KLHL25: variants seen among roughly 807,000 people sequenced by gnomAD.
KLHL25 encodes kelch like family member 25.
Under a neutral mutation model 30.0 loss-of-function variants are expected in KLHL25, and 41 were observed. That is an observed-to-expected ratio of 1.37 (90% CI 1.07 to 1.78). The LOEUF (loss-of-function observed/expected upper bound fraction) is 1.78. Ranked by LOEUF, KLHL25 falls within the 40% of genes most tolerant of loss-of-function variation. The probability of loss-of-function intolerance (pLI) is 0.00; values close to 1 mark genes in which losing one functional copy is unlikely to be tolerated. For missense variants in KLHL25, 971 were observed against 824.5 expected (o/e 1.18, Z -2.18); for synonymous variants, 399 against 355.3 (o/e 1.12, Z -1.38).
chr15:85,765,094 C>T (rs959734756), intron 2 of KLHL25, among the ~76,000 whole-genome samples: 1 of 152,196 alleles, frequency 6.6e-6, no homozygotes, highest in African/African-American at 2.4e-5. Flanking sequence ...AGGCTCAGAC[C>T]AGAGATGGTC....
At position 85,760,830 on chromosome 15, in the gene KLHL25, C is replaced by T. The variant is rs1326732489; in HGVS notation, c.*206G>A. On this transcript the variant is annotated 3_prime_UTR_variant, in exon 3 of 3. Coordinates refer to ENST00000337975, the MANE Select transcript of KLHL25 (RefSeq NM_022480.4). ...CAAACCACTGCAAAGCTGAAGAGGC[C>T]CCCAGGGGCACGGATGCAAGAGATG... 3 of 152,414 alleles carry T rather than the reference C, an allele frequency of 2.0e-5. No homozygotes were observed. The highest frequency in any genetic ancestry group is 4.4e-5 in the Non-Finnish European group (3 of 68,170). The allele number at this position is 152,414 out of a possible 1,614,324, so 9.4% of individuals were successfully genotyped here.
At chr15:85,786,288 T>C (rs1478645049) in intron 1 of KLHL25, among the ~76,000 whole-genome samples, 1 of 152,152 alleles carries the variant, frequency 6.6e-6, no homozygotes, top group Non-Finnish European at 1.5e-5. Context: ...GAAGCTTGGT[T>C]CTGAGTCATC....
In KLHL25 at chr15:85,768,836, G is replaced by T. The variant is rs754809991; in HGVS notation, c.975C>A (p.Asp325Glu). ...TGAACTCCTTCCGGGGGCTGGGCAG[G>T]TCGGCCTTGGGGATGATCTCCTTGG... ...HKAKEIIPKADLPSPRKEFSA... is the reference protein window; with the variant it reads ...HKAKEIIPKAELPSPRKEFSA... The change falls in exon 2 of 3, where the codon GAC becomes GAA. Residue 325 changes from aspartate (D) to glutamate (E), a missense_variant. Transcript: ENST00000337975. 13 of 1,613,392 alleles carry T rather than the reference G, an allele frequency of 8.1e-6. No homozygotes were observed. The highest frequency in any genetic ancestry group is 1.0e-5 in the Non-Finnish European group (12 of 1,180,044).
intron 1 of KLHL25, among the ~76,000 whole-genome samples, chr15:85,775,864 T>TAAAA (rs10535328): frequency 2.2e-5 from 2 of 89,048 alleles, no homozygotes; most frequent in Non-Finnish European, 4.1e-5. Context: ...ATGGCTCGTT[T>TAAAA]AAAAAAAAAA....
At chr15:85,792,566 A>C (rs2089824519) in intron 1 of KLHL25, among the ~76,000 whole-genome samples, 1 of 152,090 alleles carries the variant, frequency 6.6e-6, no homozygotes, top group East Asian at 1.9e-4. Context: ...CTGCATCCAG[A>C]AGCCATCCAG....
chr15:85,770,735 C>CA (rs1233804209), intron 1 of KLHL25, among the ~76,000 whole-genome samples: 1 of 152,196 alleles, frequency 6.6e-6, no homozygotes, highest in Non-Finnish European at 1.5e-5. Flanking sequence ...CCAGGTCCCC[C>CA]AGCTGACGCC....
intron 1 of KLHL25, among the ~76,000 whole-genome samples, chr15:85,777,068 G>C (rs957665203): frequency 6.6e-6 from 1 of 152,230 alleles, no homozygotes; most frequent in Admixed American, 6.5e-5. Context: ...CCTCACCCCA[G>C]CTTCCTTGCC....
At chr15:85,791,194 C>CAAAAA (rs67417642) in intron 1 of KLHL25, among the ~76,000 whole-genome samples, 19,443 of 116,990 alleles carry the variant, frequency 0.17, 2,237 homozygotes, top group South Asian at 0.28. Context: ...GACTCAGTCT[C>CAAAAA]AAAAAAAAAA....
In KLHL25 at chr15:85,789,185, G is replaced by A. The variant is rs755804222; in HGVS notation, c.-11+5581C>T. On this transcript the variant is annotated intron_variant, in intron 1 of 2. Transcript: ENST00000337975. This position sits in a 1 kb window ranked among gnomAD's most constrained non-coding sequence, Gnocchi z 4.1. ...CCCTGCATCCTACTCCTCACCACTC[G>A]GCTGATGGTGGAAGGCTCCTCCTGG... Among the ~76,000 whole-genome samples, 7 of 152,250 alleles carry A rather than the reference G, an allele frequency of 4.6e-5. No homozygotes were observed. Among genetic ancestry groups the A allele is most frequent in the Middle Eastern group, 3.4e-3 (1 of 294 alleles).
rs202069099 is a variant in KLHL25 at position 85,769,673 on chromosome 15, G to A, written c.138C>T (p.Thr46=). The change falls in exon 2 of 3, where the codon ACC becomes ACT. Residue 46 remains threonine, a synonymous_variant. Coordinates refer to ENST00000337975, the MANE Select transcript of KLHL25 (RefSeq NM_022480.4). ...LNTLRKHCMF[T]DVTLWAGDRA... ...GGTCGCCCGCCCAGAGTGTGACGTC[G>A]GTGAACATGCAGTGCTTGCGAAGCG... 17 of 1,613,882 alleles carry A rather than the reference G, an allele frequency of 1.1e-5. No individual in the cohort carries two copies. The highest frequency in any genetic ancestry group is 5.5e-5 in the South Asian group (5 of 91,086).
At chr15:85,783,604 A>G in intron 1 of KLHL25, among the ~76,000 whole-genome samples, 1 of 151,842 alleles carries the variant, frequency 6.6e-6, no homozygotes, top group Non-Finnish European at 1.5e-5. Context: ...AGACAGGACT[A>G]TCGCTTGAAC....
chr15:85,773,305 T>G (rs1041625803), intron 1 of KLHL25, among the ~76,000 whole-genome samples: 1 of 152,150 alleles, frequency 6.6e-6, no homozygotes, highest in Non-Finnish European at 1.5e-5. Context: ...AACTCATTCA[T>G]ATCAACTCCA....
intron 1 of KLHL25, chr15:85,771,201 G>GAAA (rs55642980): frequency 1.9e-4 from 22 of 118,000 alleles, no homozygotes; most frequent in Admixed American, 3.4e-4. Flanking sequence ...AATTAAGCCT[G>GAAA]AAAAAAAAAA....
At position 85,768,408 on chromosome 15, in the gene KLHL25, G is replaced by T; in HGVS notation, c.1403C>A (p.Ser468Ter). 1 of 1,613,630 alleles carries T rather than the reference G, an allele frequency of 6.2e-7. No individual in the cohort carries two copies. Among genetic ancestry groups the T allele is most frequent in the Non-Finnish European group, 8.5e-7 (1 of 1,179,968 alleles). The stretch of plus-strand genomic sequence containing the variant: ...GGCCTTGATCGTCCACCTGTTCTCC[G>T]AGGGGTCATAGCACTGGACCTTGGA... ...MVSKVQCYDP[S>*]ENRWTIKAEC... The change falls in exon 2 of 3, where the codon TCG becomes TAG. Residue 468 changes from serine to a stop codon, truncating the protein, a stop_gained. Transcript: ENST00000337975. LOFTEE classifies it high-confidence loss of function.
At position 85,768,680 on chromosome 15, in the gene KLHL25, G is replaced by A. The variant is rs936980284; in HGVS notation, c.1131C>T (p.Ala377=). ...EWSKAAPMLI[A]RFGHGSAELE... ...GCTCAGCTGAGCCATGGCCAAAGCG[G>A]GCAATCAGCATGGGCGCCGCCTTGG... is the stretch of plus-strand genomic sequence containing the variant. The change falls in exon 2 of 3, where the codon GCC becomes GCT. Residue 377 remains alanine, a synonymous_variant. Coordinates refer to ENST00000337975, the MANE Select transcript of KLHL25 (RefSeq NM_022480.4). The A allele has an allele frequency of 5.6e-6, 9 of 1,613,196 alleles. No homozygotes were observed. In the African/African-American group the frequency reaches 1.1e-4, roughly 19 times the overall value.
intron 1 of KLHL25, among the ~76,000 whole-genome samples, chr15:85,794,320 G>C (rs1378725725): frequency 6.6e-6 from 1 of 152,230 alleles, no homozygotes; most frequent in Non-Finnish European, 1.5e-5. Flanking sequence ...CCCTCGCTCT[G>C]CGCCAGGCAG....
intron 1 of KLHL25, among the ~76,000 whole-genome samples, chr15:85,783,265 T>C (rs544708695): frequency 3.3e-5 from 5 of 151,874 alleles, no homozygotes; most frequent in Non-Finnish European, 7.4e-5. Flanking sequence ...TTTTTGTATT[T>C]TTTTTTTTGG....
At chr15:85,772,544 C>T (rs1350967754) in intron 1 of KLHL25, among the ~76,000 whole-genome samples, 1 of 152,226 alleles carries the variant, frequency 6.6e-6, no homozygotes, top group Non-Finnish European at 1.5e-5. Context: ...ACCTTAGTAA[C>T]TACGGCCCTG....
At chr15:85,770,873 G>A in intron 1 of KLHL25, 1 of 325,362 alleles carries the variant, frequency 3.1e-6, no homozygotes, top group Non-Finnish European at 6.0e-6. Flanking sequence ...GCTCAATCTA[G>A]GGGAATTCTA....
Sources: allele counts gnomAD v4.1 joint callset (sites outside exome capture counted in the v4.1 genomes callset), GRCh38; gene constraint gnomAD v4.1.1; non-coding constraint Gnocchi (gnomAD v3.1); transcripts MANE v1.5; gene names NCBI Gene and HGNC (gene_info 2026-07-23, HGNC 2026-07-21).